Variants in PRKCH observed in about 807,000 individuals in gnomAD.
PRKCH encodes protein kinase C eta.
PRKCH carries 28 observed loss-of-function variants against 82.5 expected under a neutral mutation model. That is an observed-to-expected ratio of 0.34 (90% confidence interval 0.25 to 0.47). PRKCH has a LOEUF of 0.47. Among genes scored for constraint, PRKCH ranks in the 20% least tolerant of loss-of-function variants. The probability of loss-of-function intolerance (pLI) is 1.00; values close to 1 mark genes in which losing one functional copy is unlikely to be tolerated. For missense variants in PRKCH, 705 were observed against 881.8 expected (o/e 0.80, Z 2.54); for synonymous variants, 322 against 327.4 (o/e 0.98, Z 0.18).
chr14:61,269,919 G>T (rs1247476180), intron 1 of PRKCH, among the ~76,000 whole-genome samples: 2 of 152,204 alleles, frequency 1.3e-5, no homozygotes, highest in Non-Finnish European at 2.9e-5. Flanking sequence ...CAGGGGGCCA[G>T]GTGGCAGAGT....
At chr14:61,516,388 AAAAT>A (rs1277871831) in intron 10 of PRKCH, among the ~76,000 whole-genome samples, 1 of 152,194 alleles carries the variant, frequency 6.6e-6, no homozygotes, top group Non-Finnish European at 1.5e-5. Context: ...CATAGGCTAA[AAAAT>A]AAATTTTTCC....
chr14:61,426,728 C>A (rs909880501), intron 2 of PRKCH, among the ~76,000 whole-genome samples: 3 of 152,182 alleles, frequency 2.0e-5, no homozygotes, highest in African/African-American at 7.2e-5. Flanking sequence ...AAAAAATTTT[C>A]ACCTACAATT....
At chr14:61,226,774 A>G (rs929922917) in intron 1 of PRKCH, among the ~76,000 whole-genome samples, 3 of 152,234 alleles carry the variant, frequency 2.0e-5, no homozygotes, top group African/African-American at 4.8e-5. Flanking sequence ...TATTATATCC[A>G]GGGCTTGTCT....
At chr14:61,349,290 T>G (rs1443495091) in intron 1 of PRKCH, among the ~76,000 whole-genome samples, 1 of 152,220 alleles carries the variant, frequency 6.6e-6, no homozygotes, top group African/African-American at 2.4e-5. Flanking sequence ...CTACCTCACA[T>G]TTATTGAGTA....
At chr14:61,428,045 A>AGATG (rs1883202192) in intron 2 of PRKCH, among the ~76,000 whole-genome samples, 1 of 69,248 alleles carries the variant, frequency 1.4e-5, no homozygotes, top group Non-Finnish European at 3.3e-5. Context: ...ATATATATAT[A>AGATG]GATAGATAGA....
At chr14:61,431,562 G>T (rs1322364457) in intron 2 of PRKCH, among the ~76,000 whole-genome samples, 3 of 150,658 alleles carry the variant, frequency 2.0e-5, no homozygotes, top group Non-Finnish European at 4.4e-5. Context: ...ATATGGATTC[G>T]CTGCTGCTAA....
chr14:61,481,071 C>T (rs1049491097), intron 9 of PRKCH, among the ~76,000 whole-genome samples: 1 of 152,186 alleles, frequency 6.6e-6, no homozygotes, highest in Non-Finnish European at 1.5e-5. Context: ...CCCCATAACA[C>T]CTTCTGTACC....
rs765167007 is a variant in PRKCH at position 61,322,114 on chromosome 14, A to G, written c.13A>G (p.Thr5Ala). 1 of 1,570,410 alleles carries G rather than the reference A, an allele frequency of 6.4e-7. No homozygotes were observed. Among genetic ancestry groups the G allele is most frequent in the Admixed American group, 1.8e-5 (1 of 55,346 alleles). ...CAGCGGCGCCGGCATGTCGTCTGGC[A>G]CCATGAAGTTCAATGGCTATTTGAG... MSSGTMKFNGYLRVR... is the reference protein window; with the variant it reads MSSGAMKFNGYLRVR... The change falls in exon 1 of 14, where the codon ACC becomes GCC. Residue 5 changes from threonine to alanine, a missense_variant. Coordinates refer to ENST00000332981, the MANE Select transcript of PRKCH (RefSeq NM_006255.5).
At chr14:61,238,615 T>C (rs185568258) in intron 1 of PRKCH, among the ~76,000 whole-genome samples, 29 of 152,300 alleles carry the variant, frequency 1.9e-4, no homozygotes, top group Non-Finnish European at 4.1e-4. Context: ...TCCACCTTGC[T>C]CAGACAAATC....
At chr14:61,331,520 CA>C (rs2045788245) in intron 1 of PRKCH, among the ~76,000 whole-genome samples, 2 of 151,544 alleles carry the variant, frequency 1.3e-5, no homozygotes, top group South Asian at 4.2e-4. Context: ...GACTTTGTCT[CA>C]AAAAAAGAAA....
chr14:61,424,568 T>C (rs148446953), intron 2 of PRKCH, among the ~76,000 whole-genome samples: 1 of 152,310 alleles, frequency 6.6e-6, no homozygotes, highest in African/African-American at 2.4e-5. Context: ...TTGAGAGAGA[T>C]GATCTGAAAT....
chr14:61,220,773 CATG>C (rs1442128110), intron 1 of PRKCH, among the ~76,000 whole-genome samples: 7 of 151,556 alleles, frequency 4.6e-5, no homozygotes, highest in African/African-American at 1.5e-4. Context: ...TAAAAATTAA[CATG>C]ATGATAAGAG....
chr14:61,403,469 C>T (rs1320914849), intron 2 of PRKCH, among the ~76,000 whole-genome samples: 1 of 152,182 alleles, frequency 6.6e-6, no homozygotes, highest in Non-Finnish European at 1.5e-5. Context: ...CTGATTATTT[C>T]TGCTGTGCAG....
Position 61,549,702 on chromosome 14 carries a change from C to T in PRKCH, c.1923C>T (p.Val641=), listed in dbSNP as rs772133017. The change falls in exon 14 of 14, where the codon GTC becomes GTT. Residue 641 remains valine, a synonymous_variant. Transcript: ENST00000332981. ...TTTGGCAGAAATCCCGAGAAGATGT[C>T]AGTAATTTTGACCCTGACTTCATAA... ...FRPRIKSRED[V]SNFDPDFIKE... 1.9e-6 allele frequency: 3 copies of T among 1,612,030 alleles called. No homozygotes were observed. The South Asian group carries it at 3.3e-5, about 18-fold the overall frequency.
chr14:61,394,295 T>TG (rs1183799457), intron 2 of PRKCH, among the ~76,000 whole-genome samples: 18 of 151,964 alleles, frequency 1.2e-4, no homozygotes, highest in East Asian at 3.9e-4. Flanking sequence ...GGTTACAATT[T>TG]GGGGGGGTGT....
chr14:61,426,012 T>C (rs1251884352), intron 2 of PRKCH, among the ~76,000 whole-genome samples: 1 of 152,246 alleles, frequency 6.6e-6, no homozygotes, highest in Admixed American at 6.5e-5. Flanking sequence ...ATTGTAAGTT[T>C]CTTGAGGCCT....
At chr14:61,545,577 TG>T (rs1230354020) in intron 12 of PRKCH, among the ~76,000 whole-genome samples, 4 of 152,238 alleles carry the variant, frequency 2.6e-5, no homozygotes, top group Admixed American at 1.3e-4. Context: ...TCTTTTGGTT[TG>T]TTTTTTTTGT....
At chr14:61,527,692 T>C (rs1010776049) in intron 10 of PRKCH, among the ~76,000 whole-genome samples, 3 of 152,196 alleles carry the variant, frequency 2.0e-5, no homozygotes, top group Non-Finnish European at 4.4e-5. Context: ...TTCAGGACCC[T>C]TCATGGTTTG....
chr14:61,525,630 C>G (rs1367725252), intron 10 of PRKCH: 1 of 152,244 alleles, frequency 6.6e-6, no homozygotes, highest in Admixed American at 6.5e-5. Context: ...AATAAGCAGT[C>G]AGACCTCTTA....
Sources: allele counts gnomAD v4.1 joint callset (sites outside exome capture counted in the v4.1 genomes callset), GRCh38; gene constraint gnomAD v4.1.1; transcripts MANE v1.5; gene names NCBI Gene and HGNC (gene_info 2026-07-23, HGNC 2026-07-21).